The following SPSB4 variants were observed in gnomAD, a reference collection of about 807,000 sequenced individuals.
SPSB4 encodes the protein SPRY domain-containing SOCS box protein 4.
In SPSB4, 21 loss-of-function variants were observed where a neutral mutation model predicts 20.9. That is an observed-to-expected ratio of 1.01 (90% confidence interval 0.71 to 1.45). The LOEUF (loss-of-function observed/expected upper bound fraction) is 1.45, where lower values mean the gene tolerates loss of function less well. Ranked by LOEUF, SPSB4 falls within the 40% of genes most tolerant of loss-of-function variation. The probability of loss-of-function intolerance (pLI) is 0.00; values close to 1 mark genes in which losing one functional copy is unlikely to be tolerated. For missense variants in SPSB4, 399 were observed against 399.2 expected (o/e 1.00, Z 0.00); for synonymous variants, 207 against 183.8 (o/e 1.13, Z -1.02).
intron 2 of SPSB4, 50 bp from the exon 3 acceptor site, chr3:141,147,090 AAG>A: frequency 2.5e-6 from 4 of 1,604,522 alleles, no homozygotes; most frequent in Non-Finnish European, 3.4e-6. Flanking sequence ...CTGGGATGAG[AAG>A]GTGCCAGGAT....
intron 2 of SPSB4, among the ~76,000 whole-genome samples, chr3:141,075,884 TAAAAATACAA>T: frequency 2.3e-5 from 1 of 42,986 alleles, no homozygotes; most frequent in Non-Finnish European, 5.0e-5. Flanking sequence ...CTGTCTCTAC[TAAAAATACAA>T]AAAAAAAAAA....
In SPSB4 at chr3:141,066,336, C is replaced by A. The variant is rs1310899524; in HGVS notation, c.232C>A (p.His78Asn). Reference protein sequence around the residue: ...KDDDRLTFHRHPVAQSTDGIR... With the variant: ...KDDDRLTFHRNPVAQSTDGIR... ...CGACGACCGGCTCACCTTCCACCGG[C>A]ACCCCGTGGCCCAGAGCACCGACGG... Residue 78 changes from histidine to asparagine, a missense_variant, in exon 2 of 3, where the codon CAC becomes AAC. Transcript: ENST00000310546. 1 of 1,564,454 alleles carries A rather than the reference C, an allele frequency of 6.4e-7. No homozygotes were observed. The highest frequency in any genetic ancestry group is 8.6e-7 in the Non-Finnish European group (1 of 1,156,662).
intron 2 of SPSB4, among the ~76,000 whole-genome samples, chr3:141,141,434 T>G (rs1576545050): frequency 6.6e-6 from 1 of 152,048 alleles, no homozygotes; most frequent in Admixed American, 6.6e-5. Context: ...ACGCTGGGAG[T>G]TGTAGACTGG....
chr3:141,060,635 T>G (rs1937743237), intron 1 of SPSB4, among the ~76,000 whole-genome samples: 1 of 152,254 alleles, frequency 6.6e-6, no homozygotes, highest in South Asian at 2.1e-4. Context: ...TCTGAATAAA[T>G]GCTGGAAGTA....
intron 1 of SPSB4, among the ~76,000 whole-genome samples, chr3:141,062,411 G>A (rs538096670): frequency 6.6e-6 from 1 of 151,700 alleles, no homozygotes; most frequent in Non-Finnish European, 1.5e-5. Context: ...TGTTTTTGTG[G>A]TAGTTTTTCC....
intron 1 of SPSB4, among the ~76,000 whole-genome samples, chr3:141,058,196 A>G (rs1272334385): frequency 6.6e-6 from 1 of 152,216 alleles, no homozygotes; most frequent in Non-Finnish European, 1.5e-5. Flanking sequence ...TTTGGGTCCC[A>G]GGCCTCTGAA....
At chr3:141,094,558 G>A (rs547382887) in intron 2 of SPSB4, among the ~76,000 whole-genome samples, 31 of 152,272 alleles carry the variant, frequency 2.0e-4, no homozygotes, top group African/African-American at 7.2e-4. Flanking sequence ...TCTTAGAGGA[G>A]GCAATTTTTT....
chr3:141,147,505 A>C lies in SPSB4; in HGVS notation c.*236A>C. 3 of 570,610 alleles carry C rather than the reference A, an allele frequency of 5.3e-6. No homozygotes were observed. In the South Asian group the frequency reaches 7.4e-5, roughly 14 times the overall value. The allele number at this position is 570,610 out of a possible 1,614,324, so 35.3% of individuals were successfully genotyped here. On this transcript the variant is annotated 3_prime_UTR_variant, in exon 3 of 3. Coordinates refer to ENST00000310546, the MANE Select transcript of SPSB4 (RefSeq NM_080862.3). ...CAAGTCAGACACCTCCTTCGGAGCC[A>C]CAGAGAGCCTGGAGTCTGCACCTCC...
chr3:141,058,699 T>C (rs1280950687), intron 1 of SPSB4, among the ~76,000 whole-genome samples: 1 of 152,158 alleles, frequency 6.6e-6, no homozygotes, highest in Non-Finnish European at 1.5e-5. Context: ...AGCTGCACAG[T>C]GCCTGGCACT....
At chr3:141,100,627 C>T (rs899090564) in intron 2 of SPSB4, among the ~76,000 whole-genome samples, 6 of 152,206 alleles carry the variant, frequency 3.9e-5, no homozygotes, top group South Asian at 2.1e-4. Context: ...CACTTTGTTA[C>T]GGCAGCCCCA....
At chr3:141,062,184 C>T (rs1484243310) in intron 1 of SPSB4, among the ~76,000 whole-genome samples, 1 of 152,124 alleles carries the variant, frequency 6.6e-6, no homozygotes, top group East Asian at 1.9e-4. Context: ...TGTGGGATGG[C>T]CTCCAGATGG....
chr3:141,051,781 T>A lies in SPSB4; in HGVS notation c.-365T>A, dbSNP rs1282047394. The A allele has an allele frequency of 6.6e-6, 1 of 152,302 alleles. No individual in the cohort carries two copies. Among genetic ancestry groups the A allele is most frequent in the Non-Finnish European group, 1.5e-5 (1 of 68,170 alleles). The allele number at this position is 152,302 out of a possible 1,614,324, so 9.4% of individuals were successfully genotyped here. A position where few individuals can be genotyped will look rare whatever the true frequency, so the allele number is the denominator to read the frequency against. On this transcript the variant is annotated 5_prime_UTR_variant, in exon 1 of 3. Coordinates refer to ENST00000310546, the MANE Select transcript of SPSB4 (RefSeq NM_080862.3). ...GCGCCAACTTCGCCAAGAACGCTCCTAACTCCAGGCCATCCTGCAGCGCAG... is the reference window on the plus strand; with the variant it reads ...GCGCCAACTTCGCCAAGAACGCTCCAAACTCCAGGCCATCCTGCAGCGCAG...
chr3:141,135,524 G>A (rs1475300954), intron 2 of SPSB4, among the ~76,000 whole-genome samples: 1 of 148,484 alleles, frequency 6.7e-6, no homozygotes, highest in Non-Finnish European at 1.5e-5. Flanking sequence ...CCCGGTGTGT[G>A]ATGTTCCCCT....
intron 2 of SPSB4, among the ~76,000 whole-genome samples, chr3:141,083,433 C>T (rs1938278868): frequency 6.6e-6 from 1 of 152,178 alleles, no homozygotes; most frequent in Admixed American, 6.5e-5. Flanking sequence ...GAGAAAGGCC[C>T]CTGCCCCACT....
chr3:141,127,605 G>T (rs1377798940), intron 2 of SPSB4, among the ~76,000 whole-genome samples: 2 of 152,016 alleles, frequency 1.3e-5, no homozygotes, highest in African/African-American at 2.4e-5. Flanking sequence ...ATTTGATTTG[G>T]TACAGTCAAG....
intron 2 of SPSB4, among the ~76,000 whole-genome samples, chr3:141,116,769 A>G (rs1025747638): frequency 2.0e-5 from 3 of 152,212 alleles, no homozygotes; most frequent in Non-Finnish European, 2.9e-5. Context: ...TACAACTATA[A>G]TGTTACTATT....
At chr3:141,145,660 C>CA (rs1939400462) in intron 2 of SPSB4, among the ~76,000 whole-genome samples, 1 of 151,938 alleles carries the variant, frequency 6.6e-6, no homozygotes, top group Non-Finnish European at 1.5e-5. Flanking sequence ...ATTCTATTAC[C>CA]AAAAAAGTAT....
At position 141,066,095 on chromosome 3, in the gene SPSB4, G is replaced by A. The variant is rs1321629631; in HGVS notation, c.-10G>A. ...GGTGGCCTGCAGCGGCCTCCTCCCC[G>A]CAGTGAAGCATGGGCCAGAAGCTCT... On this transcript the variant is annotated 5_prime_UTR_variant, in exon 2 of 3. Coordinates refer to ENST00000310546, the MANE Select transcript of SPSB4 (RefSeq NM_080862.3). The A allele has an allele frequency of 2.6e-6, 4 of 1,512,142 alleles. No homozygotes were observed. The South Asian group carries it at 3.7e-5, about 14-fold the overall frequency. 93.7% of individuals were successfully genotyped at this position (1,512,142 alleles called of 1,614,324 possible). A position where few individuals can be genotyped will look rare whatever the true frequency, so the allele number is the denominator to read the frequency against.
At chr3:141,096,752 CT>C (rs200340395) in intron 2 of SPSB4, among the ~76,000 whole-genome samples, 22 of 152,140 alleles carry the variant, frequency 1.4e-4, no homozygotes, top group Admixed American at 7.9e-4. Context: ...TGACATAATG[CT>C]TTTTTTTGGT....
Sources: gnomAD v4.1 joint callset for allele counts (sites outside exome capture counted in the v4.1 genomes callset) on GRCh38, gnomAD v4.1.1 for gene constraint, MANE v1.5 for transcripts, NCBI Gene and HGNC (gene_info 2026-07-23, HGNC 2026-07-21) for gene names.